The following ULK2 variants were observed in gnomAD, a reference collection of about 807,000 sequenced individuals.
The protein encoded by ULK2 is serine/threonine-protein kinase ULK2.
In ULK2, 76 loss-of-function variants were observed where a neutral mutation model predicts 127.5. The observed-to-expected ratio is 0.60, with a 90% confidence interval of 0.50 to 0.72. The LOEUF (loss-of-function observed/expected upper bound fraction) is 0.72. ULK2 is among the 30% of genes least tolerant of loss of function. ULK2 has a pLI of 0.00. For missense variants in ULK2, 1,144 were observed against 1,295.9 expected (o/e 0.88, Z 1.80); for synonymous variants, 452 against 461.9 (o/e 0.98, Z 0.28).
chr17:19,795,347 TAAAAAAA>T lies in ULK2; in HGVS notation c.2101+268_2101+274del, dbSNP rs755484577. On this transcript the variant is annotated intron_variant, in intron 20 of 26. Coordinates refer to ENST00000395544, the MANE Select transcript of ULK2 (RefSeq NM_014683.4). Reference sequence around the variant, plus strand: ...ACTTCGACCAGTATTACCCTACTGATAAAAAAAAAAAAAAAAAAAAAAAAAATCTTCG... The same window carrying T: ...ACTTCGACCAGTATTACCCTACTGATAAAAAAAAAAAAAAAAAAATCTTCG... Among the ~76,000 whole-genome samples, 21 of 82,766 alleles carry T rather than the reference TAAAAAAA, an allele frequency of 2.5e-4. 1 individual carries two copies. The highest frequency in any genetic ancestry group is 7.1e-4 in the African/African-American group (14 of 19,612). 54.3% of individuals were successfully genotyped at this position (82,766 alleles called of 152,430 possible).
rs1156916331 is a variant in ULK2 at position 19,771,012 on chromosome 17, C to T, written c.*5337G>A. The stretch of plus-strand genomic sequence containing the variant: ...GCTGCCTTCCACTAGGCAGATGGGT[C>T]CAGCAGGAGACATTGGAGCACCAAA... On this transcript the variant is annotated 3_prime_UTR_variant, in exon 27 of 27. Transcript: ENST00000395544. The T allele has an allele frequency of 6.6e-6, 1 of 152,194 alleles. No homozygotes were observed. Among genetic ancestry groups the T allele is most frequent in the African/African-American group, 2.4e-5 (1 of 41,438 alleles). The allele number at this position is 152,194 out of a possible 1,614,324, so 9.4% of individuals were successfully genotyped here. A position where few individuals can be genotyped will look rare whatever the true frequency, so the allele number is the denominator to read the frequency against.
At chr17:19,796,947 TGCAAATAAAGTACTTAC>T (rs2087284906) in intron 18 of ULK2, among the ~76,000 whole-genome samples, 1 of 152,226 alleles carries the variant, frequency 6.6e-6, no homozygotes, top group Non-Finnish European at 1.5e-5. Flanking sequence ...AAAAGCATTC[TGCAAATAAAGTACTTAC>T]GCTGCATCTG....
intron 7 of ULK2, among the ~76,000 whole-genome samples, 183 bp downstream of exon 7, chr17:19,845,121 A>C (rs1453779991): frequency 6.6e-6 from 1 of 152,256 alleles, no homozygotes; most frequent in East Asian, 1.9e-4. Flanking sequence ...TTACTTTTAC[A>C]GTCCACTATG....
At chr17:19,864,930 A>G in intron 2 of ULK2, 86 bp from the exon 3 acceptor site, 1 of 529,614 alleles carries the variant, frequency 1.9e-6, no homozygotes, top group Non-Finnish European at 3.0e-6. Context: ...TAAAGTATAC[A>G]CATACACTTC....
intron 20 of ULK2, among the ~76,000 whole-genome samples, chr17:19,794,499 A>G (rs2087222671): frequency 6.6e-6 from 1 of 152,170 alleles, no homozygotes; most frequent in Non-Finnish European, 1.5e-5. Flanking sequence ...CGGAGAATCA[A>G]AGACAGAGAA....
At chr17:19,801,114 A>G (rs1376687569) in intron 16 of ULK2, among the ~76,000 whole-genome samples, 3 of 138,128 alleles carry the variant, frequency 2.2e-5, no homozygotes, top group Non-Finnish European at 4.4e-5. Context: ...AGTAATCCTT[A>G]TAAGTATGAG....
intron 1 of ULK2, 66 bp downstream of exon 1, chr17:19,867,260 CAA>C: frequency 7.6e-7 from 1 of 1,308,286 alleles, no homozygotes; most frequent in East Asian, 2.9e-5. Flanking sequence ...GCGGCTGCGC[CAA>C]GTTTCAGAAC....
At position 19,816,762 on chromosome 17, in the gene ULK2, C is replaced by T. The variant is rs761045130; in HGVS notation, c.1083G>A (p.Ser361=). The change falls in exon 13 of 27, where the codon TCG becomes TCA. Residue 361 remains serine, a synonymous_variant. Transcript: ENST00000395544. ...AAAGATTCTCACATGAGTGGTCTGA[C>T]GAGATGTTGTGTGGCACCAAAACAA... The part of the protein sequence containing the change: ...DDFVLVPHNI[S]SDHSCDMPVG... The T allele has an allele frequency of 1.8e-5, 28 of 1,598,620 alleles. No homozygotes were observed. The highest frequency in any genetic ancestry group is 1.7e-4 in the South Asian group (15 of 87,886).
In ULK2 at chr17:19,777,707, C is replaced by T. The variant is rs748927948; in HGVS notation, c.2926G>A (p.Ala976Thr). 5.6e-6 allele frequency: 9 copies of T among 1,608,698 alleles called. No homozygotes were observed. The East Asian group carries it at 1.3e-4, about 24-fold the overall frequency. Residue 976 changes from alanine to threonine, a missense_variant, in exon 26 of 27, where the codon GCA becomes ACA. Coordinates refer to ENST00000395544, the MANE Select transcript of ULK2 (RefSeq NM_014683.4). The stretch of plus-strand genomic sequence containing the variant: ...TGCTGAAACATCTCATCCAGGGCTG[C>T]AGACTGAACCTGGAACCAGTCAACA... ...YNCAVEMVQSAALDEMFQQTE... is the reference protein window; with the variant it reads ...YNCAVEMVQSTALDEMFQQTE...
At chr17:19,821,724 G>A (rs575166250) in intron 12 of ULK2, among the ~76,000 whole-genome samples, 95 of 151,610 alleles carry the variant, frequency 6.3e-4, no homozygotes, top group Non-Finnish European at 4.9e-4. Context: ...TTTTTTAAAG[G>A]CTTCCTAAAA....
intron 9 of ULK2, chr17:19,839,987 A>T (rs986751405): frequency 3.5e-6 from 1 of 285,864 alleles, no homozygotes; most frequent in East Asian, 9.6e-5. Flanking sequence ...ACACACACAC[A>T]CTTCACTAGA....
chr17:19,845,646 A>C (rs2041863135), intron 6 of ULK2, among the ~76,000 whole-genome samples: 1 of 152,128 alleles, frequency 6.6e-6, no homozygotes, highest in Admixed American at 6.6e-5. Flanking sequence ...AATTATAATA[A>C]GTAGCTCATT....
intron 13 of ULK2, among the ~76,000 whole-genome samples, chr17:19,815,259 T>G (rs1375519732): frequency 1.3e-5 from 2 of 151,916 alleles, no homozygotes; most frequent in Non-Finnish European, 2.9e-5. Context: ...TTTTTTTGTT[T>G]GTTTTTTTGT....
chr17:19,785,244 G>T (rs528171600), intron 21 of ULK2, among the ~76,000 whole-genome samples: 1 of 151,694 alleles, frequency 6.6e-6, no homozygotes, highest in Non-Finnish European at 1.5e-5. Context: ...ACAGAGTTTC[G>T]CTCGTTACCC....
rs111862828 is a variant in ULK2, at chr17:19,815,260, G to GT, written c.1096+1488dup. 4.9e-3 allele frequency among the ~76,000 whole-genome samples: 750 copies of GT among 151,606 alleles called. 4 individuals carry two copies. The highest frequency in any genetic ancestry group is 0.017 in the African/African-American group (713 of 41,404). ...TACTTAACAGCATTTTTTTTTGTTT[G>GT]TTTTTTTGTTTGTTTTTTGAGACAG... is the stretch of plus-strand genomic sequence containing the variant. On this transcript the variant is annotated intron_variant, in intron 13 of 26. Transcript: ENST00000395544.
chr17:19,780,968 C>T lies in ULK2; in HGVS notation c.2758+18G>A, dbSNP rs749502209. ...TTAAGGACTGACCCCTGGAGTTACA[C>T]GCTGCCTTCTCCCATACCTTGTTTC... On this transcript the variant is annotated intron_variant, in intron 24 of 26. Coordinates refer to ENST00000395544, the MANE Select transcript of ULK2 (RefSeq NM_014683.4). The T allele has an allele frequency of 5.2e-5, 83 of 1,611,276 alleles. No homozygotes were observed. The highest frequency in any genetic ancestry group is 3.4e-4 in the Middle Eastern group (2 of 5,818).
intron 18 of ULK2, among the ~76,000 whole-genome samples, chr17:19,797,192 G>A (rs1464638862): frequency 6.6e-6 from 1 of 152,168 alleles, no homozygotes; most frequent in Admixed American, 6.5e-5. Context: ...AGCTACTCGG[G>A]AGGCTGAGGT....
intron 3 of ULK2, chr17:19,856,193 C>G (rs921120157): frequency 6.6e-6 from 1 of 152,188 alleles, no homozygotes; most frequent in Admixed American, 6.6e-5. Context: ...AACCTCTGTT[C>G]TGATTTCTAT....
chr17:19,805,432 C>G (rs920058669), intron 14 of ULK2, among the ~76,000 whole-genome samples: 4 of 152,118 alleles, frequency 2.6e-5, no homozygotes, highest in African/African-American at 9.7e-5. Context: ...ATTCACTTTA[C>G]AACATATCCT....
Sources: allele counts gnomAD v4.1 joint callset (sites outside exome capture counted in the v4.1 genomes callset), GRCh38; gene constraint gnomAD v4.1.1; transcripts MANE v1.5; gene names NCBI Gene and HGNC (gene_info 2026-07-23, HGNC 2026-07-21).